The following SLC6A11 variants were observed in gnomAD, a reference collection of about 807,000 sequenced individuals.
SLC6A11 encodes solute carrier family 6 member 11.
A neutral mutation model predicts 74.8 loss-of-function variants in SLC6A11; 25 were observed. The observed-to-expected ratio is 0.33, with a 90% CI of 0.24 to 0.47. The LOEUF (loss-of-function observed/expected upper bound fraction) is 0.47. Among genes scored for constraint, SLC6A11 ranks in the 20% least tolerant of loss-of-function variants. SLC6A11 has a pLI of 1.00. For synonymous variants in SLC6A11, 330 were observed against 330.2 expected, an observed-to-expected ratio of 1.00 and a Z score of 0.01; for missense variants, 574 against 837.0, an observed-to-expected ratio of 0.69 and a Z score of 3.88.
intron 6 of SLC6A11, among the ~76,000 whole-genome samples, chr3:10,880,917 C>A (rs1307130895): frequency 6.6e-6 from 1 of 152,174 alleles, no homozygotes; most frequent in Non-Finnish European, 1.5e-5. Flanking sequence ...CCCCAGGGAG[C>A]ATGCAGTCTG....
intron 4 of SLC6A11, 103 bp downstream of exon 4, chr3:10,823,495 C>A: frequency 1.3e-6 from 1 of 754,408 alleles, no homozygotes; most frequent in Middle Eastern, 3.6e-4. Context: ...ATCCTTCTTG[C>A]AGCCTGGCAC....
intron 5 of SLC6A11, among the ~76,000 whole-genome samples, chr3:10,856,943 G>A (rs1034687597): frequency 9.2e-5 from 14 of 152,164 alleles, no homozygotes; most frequent in South Asian, 2.1e-4. Context: ...CAAGTGAGGC[G>A]ATGTGTGGAA....
intron 6 of SLC6A11, among the ~76,000 whole-genome samples, chr3:10,898,192 C>T (rs968164110): frequency 4.6e-5 from 7 of 152,194 alleles, no homozygotes; most frequent in Admixed American, 2.0e-4. Context: ...ATGGGAGGGG[C>T]TGCTGTGAAG....
At chr3:10,852,715 G>A (rs1694591596) in intron 5 of SLC6A11, among the ~76,000 whole-genome samples, 1 of 152,220 alleles carries the variant, frequency 6.6e-6, no homozygotes, top group Non-Finnish European at 1.5e-5. Flanking sequence ...CTGGGAAACG[G>A]GAAGCCACCC....
At chr3:10,913,649 A>T (rs1006796486) in intron 7 of SLC6A11, among the ~76,000 whole-genome samples, 8 of 152,206 alleles carry the variant, frequency 5.3e-5, no homozygotes, top group Non-Finnish European at 1.5e-5. Flanking sequence ...AAACAAGTCT[A>T]TGGGAAAACA....
chr3:10,880,891 G>A (rs1427605917), intron 6 of SLC6A11, among the ~76,000 whole-genome samples: 2 of 152,146 alleles, frequency 1.3e-5, no homozygotes, highest in African/African-American at 4.8e-5. Flanking sequence ...TGTAGAATGA[G>A]TAAGAGCCTC....
intron 7 of SLC6A11, among the ~76,000 whole-genome samples, chr3:10,914,072 C>T (rs1017154407): frequency 6.6e-6 from 1 of 152,240 alleles, no homozygotes; most frequent in Non-Finnish European, 1.5e-5. Context: ...TCATGCCATA[C>T]CCCTGCTGGT....
intron 6 of SLC6A11, among the ~76,000 whole-genome samples, chr3:10,878,630 G>A (rs139341850): frequency 1.6e-3 from 248 of 150,676 alleles, no homozygotes; most frequent in Middle Eastern, 0.01. Context: ...GGCCAGGCTG[G>A]TCTCAAACTC....
At chr3:10,871,213 C>T (rs1272241565) in intron 5 of SLC6A11, among the ~76,000 whole-genome samples, 2 of 152,208 alleles carry the variant, frequency 1.3e-5, no homozygotes, top group African/African-American at 4.8e-5. Context: ...CCCACTGGCT[C>T]AGTCTACCCA....
At position 10,865,692 on chromosome 3, in the gene SLC6A11, C is replaced by G. The variant is rs1358689359; in HGVS notation, c.757-9269C>G. On this transcript the variant is annotated intron_variant, in intron 5 of 13. Transcript: ENST00000254488. ...CAAAAACAAAAAACCCTGTGGCTTC[C>G]CAAGACATGGTGATATCTTTGGTAA... Among the ~76,000 whole-genome samples, 4 of 152,110 alleles carry G rather than the reference C, an allele frequency of 2.6e-5. No individual in the cohort carries two copies. In the East Asian group the frequency reaches 7.7e-4, roughly 29 times the overall value.
At chr3:10,923,706 T>G (rs1695565203) in intron 8 of SLC6A11, among the ~76,000 whole-genome samples, 1 of 152,040 alleles carries the variant, frequency 6.6e-6, no homozygotes, top group East Asian at 1.9e-4. Context: ...AGAAACAGGA[T>G]TTTTTCATAA....
At chr3:10,879,525 G>A (rs897002910) in intron 6 of SLC6A11, among the ~76,000 whole-genome samples, 8 of 152,266 alleles carry the variant, frequency 5.3e-5, no homozygotes, top group Non-Finnish European at 8.8e-5. Context: ...AGCCTCTAGG[G>A]GGCCATGTCC....
intron 5 of SLC6A11, among the ~76,000 whole-genome samples, chr3:10,873,807 G>GCTATC (rs1216313078): frequency 0.015 from 2,028 of 131,918 alleles, 81 homozygotes; most frequent in South Asian, 0.12. Context: ...CCTATCCTAT[G>GCTATC]CTATCCTATC....
At chr3:10,818,669 G>A (rs975171867) in intron 1 of SLC6A11, among the ~76,000 whole-genome samples, 20 of 152,196 alleles carry the variant, frequency 1.3e-4, no homozygotes, top group Admixed American at 2.6e-4. Flanking sequence ...GTGGCAAATA[G>A]CATGTGTTTT....
At chr3:10,880,467 T>C (rs1159280525) in intron 6 of SLC6A11, among the ~76,000 whole-genome samples, 1 of 152,204 alleles carries the variant, frequency 6.6e-6, no homozygotes, top group Non-Finnish European at 1.5e-5. Context: ...CTTGCAGCTA[T>C]GAGAAATTTA....
intron 5 of SLC6A11, among the ~76,000 whole-genome samples, chr3:10,850,066 C>G (rs1694554496): frequency 6.6e-6 from 1 of 152,074 alleles, no homozygotes; most frequent in African/African-American, 2.4e-5. Flanking sequence ...CCCATAAAAC[C>G]TAATATATCC....
chr3:10,846,321 G>T (rs755795096), intron 5 of SLC6A11, among the ~76,000 whole-genome samples: 2 of 152,218 alleles, frequency 1.3e-5, no homozygotes, highest in African/African-American at 2.4e-5. Flanking sequence ...AAGGGAGGAA[G>T]TTTCATGGTT....
At chr3:10,822,296 C>G (rs538549429) in intron 3 of SLC6A11, among the ~76,000 whole-genome samples, 1 of 152,194 alleles carries the variant, frequency 6.6e-6, no homozygotes, top group African/African-American at 2.4e-5. Context: ...ATACAGGAGG[C>G]CTTGCCCTTG....
At chr3:10,828,292 A>T (rs1199193648) in intron 4 of SLC6A11, among the ~76,000 whole-genome samples, 1 of 152,226 alleles carries the variant, frequency 6.6e-6, no homozygotes, top group East Asian at 1.9e-4. Flanking sequence ...CATGTTGAGC[A>T]CATATTGTGT....
Sources: gnomAD v4.1 joint callset for allele counts (sites outside exome capture counted in the v4.1 genomes callset) on GRCh38, gnomAD v4.1.1 for gene constraint, MANE v1.5 for transcripts, NCBI Gene and HGNC (gene_info 2026-07-23, HGNC 2026-07-21) for gene names.